CSMD1: variants seen among roughly 807,000 people sequenced by gnomAD.
CSMD1 encodes the protein CUB and sushi domain-containing protein 1.
CSMD1 carries 213 observed loss-of-function variants against 417.5 expected under a neutral mutation model. The ratio of observed to expected loss-of-function variants is 0.51; its 90% CI spans 0.46 to 0.57. The LOEUF (loss-of-function observed/expected upper bound fraction) is 0.57, where lower values mean the gene tolerates loss of function less well. Among genes scored for constraint, CSMD1 ranks in the 20% least tolerant of loss-of-function variants. The probability of loss-of-function intolerance (pLI) is 0.00; values close to 1 mark genes in which losing one functional copy is unlikely to be tolerated. For missense variants in CSMD1, 6,923 were observed against 4,529.7 expected (o/e 1.53, Z -15.17); for synonymous variants, 2,862 against 1,736.8 (o/e 1.65, Z -16.11).
intron 3 of CSMD1, among the ~76,000 whole-genome samples, chr8:4,041,963 A>G (rs780812228): frequency 1.3e-5 from 2 of 152,194 alleles, no homozygotes; most frequent in Non-Finnish European, 1.5e-5. Context: ...AAAATGAAAC[A>G]TAAAAGAAAA....
intron 49 of CSMD1, among the ~76,000 whole-genome samples, chr8:3,081,097 G>A (rs12677585): frequency 0.18 from 27,159 of 152,068 alleles, 3,068 homozygotes; most frequent in East Asian, 0.31. Flanking sequence ...TATTTTGCCC[G>A]GGTCCGAGGG....
intron 10 of CSMD1, among the ~76,000 whole-genome samples, chr8:3,495,023 C>G (rs1444662041): frequency 6.6e-6 from 1 of 152,134 alleles, no homozygotes; most frequent in Non-Finnish European, 1.5e-5. Context: ...ACTTGAAATT[C>G]TTACTAAAAT....
chr8:3,473,746 G>A (rs1452228730), intron 11 of CSMD1, among the ~76,000 whole-genome samples: 1 of 152,170 alleles, frequency 6.6e-6, no homozygotes, highest in Non-Finnish European at 1.5e-5. Context: ...GGTGGTGTCT[G>A]TATGGGTGTA....
intron 5 of CSMD1, among the ~76,000 whole-genome samples, chr8:3,955,746 CA>C (rs1811897615): frequency 6.6e-6 from 1 of 152,144 alleles, no homozygotes; most frequent in Non-Finnish European, 1.5e-5. Context: ...AAGAAAAAAA[CA>C]GGGTCAAATA....
intron 1 of CSMD1, among the ~76,000 whole-genome samples, chr8:4,778,762 G>C (rs563744360): frequency 1.2e-4 from 18 of 152,240 alleles, no homozygotes; most frequent in African/African-American, 4.3e-4. Context: ...CTCTCATAGT[G>C]GTTTGTTTAG....
intron 2 of CSMD1, among the ~76,000 whole-genome samples, chr8:4,572,878 G>A (rs919614848): frequency 1.3e-5 from 2 of 151,810 alleles, no homozygotes; most frequent in Non-Finnish European, 2.9e-5. Flanking sequence ...ATCTTCAATC[G>A]CTGATATCCT....
intron 26 of CSMD1, among the ~76,000 whole-genome samples, chr8:3,281,923 G>T (rs932919867): frequency 1.3e-5 from 2 of 152,076 alleles, no homozygotes; most frequent in African/African-American, 4.8e-5. Context: ...GTTCTCAGGA[G>T]ATCTGATTGT....
intron 3 of CSMD1, among the ~76,000 whole-genome samples, chr8:4,366,616 G>C (rs1248998432): frequency 6.6e-6 from 1 of 151,872 alleles, no homozygotes; most frequent in African/African-American, 2.4e-5. Context: ...TTTATTAACA[G>C]CAATTTTGAC....
intron 23 of CSMD1, among the ~76,000 whole-genome samples, chr8:3,339,699 G>T (rs1328942544): frequency 6.6e-6 from 1 of 152,160 alleles, no homozygotes; most frequent in African/African-American, 2.4e-5. Flanking sequence ...TGGACCCTCA[G>T]TGTCACCAGG....
chr8:4,191,857 C>G (rs1343571341), intron 3 of CSMD1, among the ~76,000 whole-genome samples: 1 of 151,850 alleles, frequency 6.6e-6, no homozygotes, highest in Non-Finnish European at 1.5e-5. Context: ...CAGTCAGTTT[C>G]CAGACCTCAG....
intron 1 of CSMD1, among the ~76,000 whole-genome samples, chr8:4,795,177 A>C (rs946008429): frequency 6.8e-6 from 1 of 146,358 alleles, no homozygotes; most frequent in African/African-American, 2.5e-5. Flanking sequence ...CCACATTTTT[A>C]GGTGAAAAGA....
intron 1 of CSMD1, among the ~76,000 whole-genome samples, chr8:4,771,017 C>T (rs957644086): frequency 6.6e-6 from 1 of 152,086 alleles, no homozygotes; most frequent in African/African-American, 2.4e-5. Context: ...AATGAAAAGG[C>T]AACTTACAGA....
chr8:4,082,161 A>C (rs1426754134), intron 3 of CSMD1, among the ~76,000 whole-genome samples: 1 of 152,188 alleles, frequency 6.6e-6, no homozygotes, highest in Non-Finnish European at 1.5e-5. Flanking sequence ...ATAGATCCTA[A>C]GGACATTAAA....
At chr8:4,282,108 T>C (rs763619048) in intron 3 of CSMD1, among the ~76,000 whole-genome samples, 14 of 152,320 alleles carry the variant, frequency 9.2e-5, no homozygotes, top group South Asian at 8.3e-4. Context: ...TCCAAGAGTA[T>C]TTTTAATTAT....
At chr8:3,914,361 T>G (rs1379076206) in intron 5 of CSMD1, among the ~76,000 whole-genome samples, 1 of 151,798 alleles carries the variant, frequency 6.6e-6, no homozygotes, top group African/African-American at 2.4e-5. Context: ...TCCCATTACG[T>G]TGGATAGATG....
chr8:4,690,340 G>A (rs117175293), intron 1 of CSMD1, among the ~76,000 whole-genome samples: 2,305 of 152,262 alleles, frequency 0.015, 35 homozygotes, highest in Non-Finnish European at 0.024. Flanking sequence ...AATTAAAACA[G>A]CTACTTCCCT....
chr8:3,319,755 CA>C (rs1248784254), intron 23 of CSMD1, among the ~76,000 whole-genome samples: 1 of 152,010 alleles, frequency 6.6e-6, no homozygotes, highest in East Asian at 1.9e-4. Context: ...ACATTAGGAA[CA>C]CGTCAGCCGG....
At chr8:3,988,945 T>A (rs1814535245) in intron 5 of CSMD1, among the ~76,000 whole-genome samples, 1 of 152,238 alleles carries the variant, frequency 6.6e-6, no homozygotes, top group Non-Finnish European at 1.5e-5. Flanking sequence ...CTTTTATAAC[T>A]CAAAAAATTT....
chr8:3,213,736 T>C (rs1160795731), intron 30 of CSMD1, among the ~76,000 whole-genome samples: 1 of 150,856 alleles, frequency 6.6e-6, no homozygotes, highest in Non-Finnish European at 1.5e-5. Flanking sequence ...TATGTATATA[T>C]GTAAAAATAT....
Sources: allele counts gnomAD v4.1 joint callset (sites outside exome capture counted in the v4.1 genomes callset), GRCh38; gene constraint gnomAD v4.1.1; transcripts MANE v1.5; gene names NCBI Gene and HGNC (gene_info 2026-07-23, HGNC 2026-07-21).